CSMD3: variants seen among roughly 807,000 people sequenced by gnomAD.
CSMD3 encodes CUB and Sushi multiple domains 3, also known as CUB and sushi domain-containing protein 3.
In CSMD3, 177 loss-of-function variants were observed where a neutral mutation model predicts 435.2. The observed-to-expected ratio is 0.41, with a 90% CI of 0.36 to 0.46. The LOEUF (loss-of-function observed/expected upper bound fraction) is 0.46, where lower values mean the gene tolerates loss of function less well. CSMD3 is among the 20% of genes least tolerant of loss of function. The probability of loss-of-function intolerance (pLI) is 0.34; values close to 1 mark genes in which losing one functional copy is unlikely to be tolerated. For synonymous variants in CSMD3, 1,656 were observed against 1,520.5 expected, an observed-to-expected ratio of 1.09 and a Z score of -2.07; for missense variants, 4,265 against 4,504.6, an observed-to-expected ratio of 0.95 and a Z score of 1.52.
At chr8:112,907,811 C>A (rs2082303558) in intron 10 of CSMD3, among the ~76,000 whole-genome samples, 1 of 151,360 alleles carries the variant, frequency 6.6e-6, no homozygotes, top group Non-Finnish European at 1.5e-5. Flanking sequence ...GAATTATCTG[C>A]AGAATAGAAA....
At chr8:113,019,380 C>A (rs1414757953) in intron 5 of CSMD3, among the ~76,000 whole-genome samples, 1 of 152,054 alleles carries the variant, frequency 6.6e-6, no homozygotes, top group Non-Finnish European at 1.5e-5. Context: ...CTGTTCCAAT[C>A]AGGTTGTGTG....
At chr8:112,987,550 C>T (rs1014450448) in intron 6 of CSMD3, among the ~76,000 whole-genome samples, 2 of 152,068 alleles carry the variant, frequency 1.3e-5, no homozygotes, top group Non-Finnish European at 2.9e-5. Context: ...AAGCGCAGAG[C>T]TGCTTCAAAA....
chr8:113,171,256 T>C (rs2092262266), intron 4 of CSMD3, among the ~76,000 whole-genome samples: 1 of 152,038 alleles, frequency 6.6e-6, no homozygotes, highest in Non-Finnish European at 1.5e-5. Context: ...TGTCTGCCTC[T>C]CTCTTCATCC....
chr8:112,514,574 T>C (rs1823481177), intron 28 of CSMD3, among the ~76,000 whole-genome samples: 1 of 152,180 alleles, frequency 6.6e-6, no homozygotes, highest in South Asian at 2.1e-4. Flanking sequence ...CTCACATTAA[T>C]GTCTTTCCTA....
chr8:113,145,241 CT>C (rs2091646031), intron 4 of CSMD3, among the ~76,000 whole-genome samples: 1 of 151,390 alleles, frequency 6.6e-6, no homozygotes, highest in South Asian at 2.1e-4. Flanking sequence ...AAGACTTGGC[CT>C]TTTTCAAGTG....
In CSMD3 at chr8:112,530,574, A is replaced by G. The variant is rs147072095; in HGVS notation, c.4565-13349T>C. Among the ~76,000 whole-genome samples, 14 of 152,306 alleles carry G rather than the reference A, an allele frequency of 9.2e-5. No homozygotes were observed. In the East Asian group the frequency reaches 2.3e-3, roughly 25 times the overall value. ...ACTGTCTTTCAAAAATGAAGGTTGGAAAAAGACTCCCAAACAAAAGCTGAA... is the reference window on the plus strand; with the variant it reads ...ACTGTCTTTCAAAAATGAAGGTTGGGAAAAGACTCCCAAACAAAAGCTGAA... On this transcript the variant is annotated intron_variant, in intron 27 of 70. Transcript: ENST00000297405.
chr8:112,674,055 G>A (rs2075717840), intron 16 of CSMD3, among the ~76,000 whole-genome samples: 1 of 151,788 alleles, frequency 6.6e-6, no homozygotes, highest in African/African-American at 2.4e-5. Flanking sequence ...TTAAAAACTT[G>A]ATCCAGTTCA....
intron 5 of CSMD3, among the ~76,000 whole-genome samples, chr8:113,093,518 T>G (rs1362734746): frequency 1.3e-5 from 2 of 152,076 alleles, no homozygotes; most frequent in East Asian, 1.9e-4. Context: ...AAGAAGTTAT[T>G]GCTCATTTTG....
At chr8:112,477,819 T>G (rs1819217358) in intron 31 of CSMD3, among the ~76,000 whole-genome samples, 1 of 152,184 alleles carries the variant, frequency 6.6e-6, no homozygotes, top group African/African-American at 2.4e-5. Flanking sequence ...ACAAACAGAC[T>G]AACAAATTGA....
At chr8:112,341,419 T>C (rs1301657547) in intron 42 of CSMD3, 58 bp downstream of exon 42, 1 of 1,121,832 alleles carries the variant, frequency 8.9e-7, no homozygotes, top group South Asian at 1.3e-5. Context: ...CTCAGTTAAA[T>C]ATTTCTAATA....
chr8:112,752,292 C>A (rs1018240957), intron 13 of CSMD3, among the ~76,000 whole-genome samples: 1 of 152,158 alleles, frequency 6.6e-6, no homozygotes, highest in African/African-American at 2.4e-5. Context: ...TGCCCAATTT[C>A]AGCCCTTGGT....
intron 1 of CSMD3, among the ~76,000 whole-genome samples, chr8:113,328,679 A>G (rs1225305708): frequency 6.8e-6 from 1 of 147,998 alleles, no homozygotes; most frequent in Admixed American, 6.8e-5. Context: ...GGTACATTCT[A>G]GTATTTAAAA....
chr8:113,213,759 T>G (rs2092867904), intron 3 of CSMD3, among the ~76,000 whole-genome samples: 1 of 152,106 alleles, frequency 6.6e-6, no homozygotes, highest in African/African-American at 2.4e-5. Context: ...TTGCTTATAG[T>G]TCTCTATACT....
intron 4 of CSMD3, among the ~76,000 whole-genome samples, chr8:113,173,434 G>A (rs2092300140): frequency 6.6e-6 from 1 of 152,032 alleles, no homozygotes; most frequent in Non-Finnish European, 1.5e-5. Context: ...CAACACTCCT[G>A]CCTCAGCCTC....
intron 24 of CSMD3, 119 bp from the exon 25 acceptor site, chr8:112,557,073 C>G: frequency 1.5e-6 from 1 of 657,180 alleles, no homozygotes; most frequent in Non-Finnish European, 2.7e-6. Flanking sequence ...AGTCATATTG[C>G]CCTTACCATA....
intron 27 of CSMD3, among the ~76,000 whole-genome samples, chr8:112,533,428 G>A (rs975600020): frequency 7.2e-5 from 11 of 151,868 alleles, no homozygotes; most frequent in Admixed American, 7.2e-4. Flanking sequence ...AATGAAACAT[G>A]TATTTTATGC....
chr8:112,999,370 A>C (rs1467798898), intron 6 of CSMD3, among the ~76,000 whole-genome samples: 1 of 151,910 alleles, frequency 6.6e-6, no homozygotes, highest in Non-Finnish European at 1.5e-5. Flanking sequence ...GCAAATGCAA[A>C]AACCCTATGA....
At chr8:113,351,773 T>A (rs1179630808) in intron 1 of CSMD3, among the ~76,000 whole-genome samples, 1 of 152,162 alleles carries the variant, frequency 6.6e-6, no homozygotes, top group Non-Finnish European at 1.5e-5. Flanking sequence ...TAATTAAAGT[T>A]TGCCTATGTT....
At chr8:112,829,983 T>C (rs2079821022) in intron 11 of CSMD3, among the ~76,000 whole-genome samples, 194 bp from the exon 12 acceptor site, 1 of 152,070 alleles carries the variant, frequency 6.6e-6, no homozygotes, top group African/African-American at 2.4e-5. Flanking sequence ...CAGCAAGTCA[T>C]GTTAGAATAT....
Sources: gnomAD v4.1 joint callset for allele counts (sites outside exome capture counted in the v4.1 genomes callset) on GRCh38, gnomAD v4.1.1 for gene constraint, MANE v1.5 for transcripts, NCBI Gene and HGNC (gene_info 2026-07-23, HGNC 2026-07-21) for gene names.